Variants in CENPC observed in about 807,000 individuals in gnomAD.
CENPC encodes the protein centromere protein C, also known as CENP-C 1.
In CENPC, 63 loss-of-function variants were observed where a neutral mutation model predicts 112.1. That is an observed-to-expected ratio of 0.56 (90% CI 0.46 to 0.69). CENPC has a LOEUF of 0.69. CENPC is among the 30% of genes least tolerant of loss of function. The probability of loss-of-function intolerance (pLI) is 0.00; values close to 1 mark genes in which losing one functional copy is unlikely to be tolerated. For missense variants in CENPC, 1,000 were observed against 1,103.8 expected, an observed-to-expected ratio of 0.91 and a Z score of 1.33; for synonymous variants, 333 against 367.6, an observed-to-expected ratio of 0.91 and a Z score of 1.08.
chr4:67,539,907 G>C lies in CENPC; in HGVS notation c.164C>G (p.Ser55Cys), dbSNP rs974280057. ...KSLANDFSTN[S>C]TKSVPNSTRK... ...TGTTGAATTAGGCACTGATTTTGTAGAATTTGTACTAAAATCATTGGCAAG... is the reference window on the plus strand; with the variant it reads ...TGTTGAATTAGGCACTGATTTTGTACAATTTGTACTAAAATCATTGGCAAG... The change falls in exon 4 of 19, where the codon TCT becomes TGT. Residue 55 changes from serine (S) to cysteine (C), a missense_variant. By Grantham distance (112) the Ser-to-Cys change is moderately radical (BLOSUM62 -1). Transcript: ENST00000273853. 1 of 1,526,502 alleles carries C rather than the reference G, an allele frequency of 6.6e-7. No homozygotes were observed. The highest frequency in any genetic ancestry group is 8.8e-7 in the Non-Finnish European group (1 of 1,139,906). The allele number at this position is 1,526,502 out of a possible 1,614,324, so 94.6% of individuals were successfully genotyped here. A position where few individuals can be genotyped will look rare whatever the true frequency, so the allele number is the denominator to read the frequency against.
At chr4:67,510,830 T>C (rs2109800313) in intron 9 of CENPC, 1 of 359,512 alleles carries the variant, frequency 2.8e-6, no homozygotes, top group African/African-American at 2.1e-5. Context: ...GAGTTTAGAC[T>C]ATATGATATA....
chr4:67,506,245 A>G (rs932488019), intron 11 of CENPC, among the ~76,000 whole-genome samples: 17 of 152,166 alleles, frequency 1.1e-4, no homozygotes, highest in African/African-American at 3.9e-4. Context: ...TTAATACACC[A>G]CCTTTCAATA....
intron 13 of CENPC, among the ~76,000 whole-genome samples, chr4:67,494,410 G>A (rs966773507): frequency 2.0e-5 from 3 of 152,100 alleles, no homozygotes; most frequent in African/African-American, 7.2e-5. Context: ...AAATACTGAA[G>A]CCCTGCTCAG....
At chr4:67,499,302 T>A (rs527689995) in intron 12 of CENPC, among the ~76,000 whole-genome samples, 64 of 152,218 alleles carry the variant, frequency 4.2e-4, no homozygotes, top group Non-Finnish European at 7.2e-4. Context: ...GCTATGAACG[T>A]CCTAGATGAC....
chr4:67,526,967 AAATT>A (rs1372251938), intron 5 of CENPC, among the ~76,000 whole-genome samples: 1 of 152,220 alleles, frequency 6.6e-6, no homozygotes, highest in African/African-American at 2.4e-5. Flanking sequence ...TCAAGATCAG[AAATT>A]AATAAGGAAA....
At chr4:67,496,750 G>T (rs557511350) in intron 12 of CENPC, among the ~76,000 whole-genome samples, 1 of 152,224 alleles carries the variant, frequency 6.6e-6, no homozygotes, top group African/African-American at 2.4e-5. Flanking sequence ...GGGTAAAGGG[G>T]TTTCTTTTTG....
At position 67,508,823 on chromosome 4, in the gene CENPC, T is replaced by C. The variant is rs747227820; in HGVS notation, c.1895A>G (p.Asp632Gly). ...EADLAKKKNLDCSRSTRSSKN... is the reference protein window; with the variant it reads ...EADLAKKKNLGCSRSTRSSKN... ...ACATAACAGACATTACCTAGAACAA[T>C]CAAGATTTTTCTTCTTAGCCAAGTC... The change falls in exon 10 of 19, where the codon GAT becomes GGT. Residue 632 changes from aspartate to glycine, a missense_variant. Physicochemically the swap from Asp to Gly is moderately conservative, Grantham distance 94. Coordinates refer to ENST00000273853, the MANE Select transcript of CENPC (RefSeq NM_001812.4). The C allele has an allele frequency of 8.1e-6, 13 of 1,612,858 alleles. No homozygotes were observed. The highest frequency in any genetic ancestry group is 1.1e-5 in the Non-Finnish European group (13 of 1,179,508).
At chr4:67,534,141 C>T (rs914665469) in intron 4 of CENPC, among the ~76,000 whole-genome samples, 4 of 149,042 alleles carry the variant, frequency 2.7e-5, no homozygotes, top group African/African-American at 7.4e-5. Context: ...ACTGGCTGGG[C>T]GCAGTGGCTC....
intron 17 of CENPC, among the ~76,000 whole-genome samples, chr4:67,488,158 ACTTT>A (rs569548284): frequency 6.6e-6 from 1 of 151,054 alleles, no homozygotes; most frequent in East Asian, 1.9e-4. Flanking sequence ...TATACAAAGA[ACTTT>A]TATCTTGCAT....
At chr4:67,487,493 T>C (rs1725125648) in intron 17 of CENPC, among the ~76,000 whole-genome samples, 1 of 151,762 alleles carries the variant, frequency 6.6e-6, no homozygotes, top group Admixed American at 6.6e-5. Context: ...TGATTAGTAG[T>C]TTGCTATCGA....
chr4:67,504,572 A>C (rs1725683833), intron 12 of CENPC, among the ~76,000 whole-genome samples: 1 of 152,222 alleles, frequency 6.6e-6, no homozygotes, highest in Admixed American at 6.5e-5. Flanking sequence ...CTGTAATCCC[A>C]GCACTTTGAG....
intron 12 of CENPC, 148 bp downstream of exon 12, chr4:67,505,057 G>A (rs1725696451): frequency 1.6e-6 from 1 of 620,276 alleles, no homozygotes; most frequent in Non-Finnish European, 2.8e-6. Flanking sequence ...CTTAGGTACA[G>A]GGTCTTATTA....
At chr4:67,481,699 C>A (rs62303194) in intron 17 of CENPC, among the ~76,000 whole-genome samples, 28,975 of 152,008 alleles carry the variant, frequency 0.19, 3,480 homozygotes, top group Non-Finnish European at 0.27. Context: ...CAGTAAGGCA[C>A]AAGTAGAAAA....
In CENPC at chr4:67,533,207, G is replaced by A. The variant is rs188950790; in HGVS notation, c.232-2293C>T. 5.5e-4 allele frequency among the ~76,000 whole-genome samples: 84 copies of A among 152,266 alleles called. 1 individual carries two copies. The highest frequency in any genetic ancestry group is 6.8e-3 in the Middle Eastern group (2 of 294). On this transcript the variant is annotated intron_variant, in intron 4 of 18. Coordinates refer to ENST00000273853, the MANE Select transcript of CENPC (RefSeq NM_001812.4). Reference sequence around the variant, plus strand: ...GGTCAGTCTTTCCCATGCTATTCTCGTGATAGTGAATAAGTCTCACAAGAT... The same window carrying A: ...GGTCAGTCTTTCCCATGCTATTCTCATGATAGTGAATAAGTCTCACAAGAT...
intron 2 of CENPC, 101 bp from the exon 3 acceptor site, chr4:67,541,151 T>A: frequency 1.4e-6 from 1 of 735,850 alleles, no homozygotes; most frequent in Non-Finnish European, 2.2e-6. Context: ...TAAATTTACT[T>A]AATATGTAAA....
rs562582774 is a variant in CENPC at position 67,483,111 on chromosome 4, T to C, written c.2670+6856A>G. On this transcript the variant is annotated intron_variant, in intron 17 of 18. Coordinates refer to ENST00000273853, the MANE Select transcript of CENPC (RefSeq NM_001812.4). ...ATGTTTGCTTCCCCTTCTGCCATAATTGTAAGTTTCCTGAGGCACCCCCAG... is the reference window on the plus strand; with the variant it reads ...ATGTTTGCTTCCCCTTCTGCCATAACTGTAAGTTTCCTGAGGCACCCCCAG... 3.7e-4 allele frequency among the ~76,000 whole-genome samples: 56 copies of C among 152,298 alleles called. No individual in the cohort carries two copies. In the South Asian group the frequency reaches 9.3e-3, roughly 25 times the overall value.
intron 17 of CENPC, among the ~76,000 whole-genome samples, chr4:67,485,611 C>A (rs1725074968): frequency 6.6e-6 from 1 of 152,172 alleles, no homozygotes; most frequent in Non-Finnish European, 1.5e-5. Flanking sequence ...GCAGCCCAAT[C>A]TGACTAAGAC....
chr4:67,512,136 T>C, intron 9 of CENPC: 1 of 312,756 alleles, frequency 3.2e-6, no homozygotes, highest in Non-Finnish European at 5.7e-6. Flanking sequence ...TTATATTGCC[T>C]TTCCCAACTA....
rs777769961 is a variant in CENPC at position 67,505,238 on chromosome 4, C to A, written c.2098G>T (p.Asp700Tyr). ...NNNYLMSGKNDVDDEEVHGSS... is the reference protein window; with the variant it reads ...NNNYLMSGKNYVDDEEVHGSS... The stretch of plus-strand genomic sequence containing the variant: ...CCATGAACTTCCTCATCATCCACAT[C>A]ATTCTTTCCAGACATTAAATAATTA... The change falls in exon 12 of 19, where the codon GAT becomes TAT. Residue 700 changes from aspartate (D) to tyrosine (Y), a missense_variant. Coordinates refer to ENST00000273853, the MANE Select transcript of CENPC (RefSeq NM_001812.4). 1.5e-5 allele frequency: 24 copies of A among 1,583,280 alleles called. No individual in the cohort carries two copies. The highest frequency in any genetic ancestry group is 2.1e-5 in the Non-Finnish European group (24 of 1,165,184).
Sources: allele counts gnomAD v4.1 joint callset (sites outside exome capture counted in the v4.1 genomes callset), GRCh38; gene constraint gnomAD v4.1.1; transcripts MANE v1.5; gene names NCBI Gene and HGNC (gene_info 2026-07-23, HGNC 2026-07-21).